The following EWSR1 variants were observed in gnomAD, a reference collection of about 807,000 sequenced individuals.
EWSR1 encodes the protein EWS RNA binding protein 1, also known as RNA-binding protein EWS.
Under a neutral mutation model 92.1 loss-of-function variants are expected in EWSR1, and 14 were observed. The observed-to-expected ratio is 0.15, with a 90% confidence interval of 0.10 to 0.24. EWSR1 has a LOEUF of 0.24. Among genes scored for constraint, EWSR1 ranks in the 10% least tolerant of loss-of-function variants. The probability of loss-of-function intolerance (pLI) is 1.00; values close to 1 mark genes in which losing one functional copy is unlikely to be tolerated. For synonymous variants in EWSR1, 303 were observed against 292.9 expected (o/e 1.03, Z -0.35); for missense variants, 637 against 870.9 (o/e 0.73, Z 3.38).
At position 29,299,274 on chromosome 22, in the gene EWSR1, A is replaced by C; in HGVS notation, c.1621A>C (p.Asn541His). Reference protein sequence around the residue: ...NQNFAWRTECNQCKAPKPEGF... With the variant: ...NQNFAWRTECHQCKAPKPEGF... ...GAACTTCGCCTGGAGAACAGAGTGC[A>C]ACCAGTGTAAGGCCCCAAAGCCTGA... The change falls in exon 15 of 17, where the codon AAC becomes CAC. Residue 541 changes from asparagine to histidine, a missense_variant. By Grantham distance (68) the Asn-to-His change is moderately conservative. Transcript: ENST00000397938. 6.2e-7 allele frequency: 1 copy of C among 1,614,060 alleles called. No individual in the cohort carries two copies. The highest frequency in any genetic ancestry group is 8.5e-7 in the Non-Finnish European group (1 of 1,179,946).
chr22:29,283,056 C>G (rs1184253664), intron 6 of EWSR1, among the ~76,000 whole-genome samples: 1 of 152,200 alleles, frequency 6.6e-6, no homozygotes, highest in East Asian at 1.9e-4. Context: ...GCCACCGCAC[C>G]CGGCCCAGCT....
chr22:29,274,478 G>GT (rs199750846), intron 4 of EWSR1: 28,640 of 540,888 alleles, frequency 0.053, 1,000 homozygotes, highest in Non-Finnish European at 0.073. Flanking sequence ...TTTGGGAAAG[G>GT]TTTTTTTATT....
intron 1 of EWSR1, chr22:29,269,251 C>G (rs1476163797): frequency 6.6e-6 from 1 of 152,234 alleles, no homozygotes; most frequent in African/African-American, 2.4e-5. Context: ...AGTGGCCTCG[C>G]ACGTTTATTC....
chr22:29,275,253 G>A (rs1433188088), intron 4 of EWSR1, among the ~76,000 whole-genome samples: 1 of 152,188 alleles, frequency 6.6e-6, no homozygotes. Context: ...CAAGCATGAT[G>A]TGAAAGTTAA....
At chr22:29,297,721 A>G (rs1162834551) in intron 12 of EWSR1, 106 bp from the exon 13 acceptor site, 35 of 1,441,542 alleles carry the variant, frequency 2.4e-5, no homozygotes, top group Non-Finnish European at 3.2e-5. Flanking sequence ...CTTAGAGAAG[A>G]TTACAGGCAG....
chr22:29,272,709 A>C (rs2058776339), intron 3 of EWSR1, among the ~76,000 whole-genome samples: 1 of 152,146 alleles, frequency 6.6e-6, no homozygotes, highest in Admixed American at 6.6e-5. Flanking sequence ...ATTATGTTTA[A>C]ATTTAGTGAA....
Position 29,292,134 on chromosome 22 carries a change from C to A in EWSR1, c.1013-3C>A. The stretch of plus-strand genomic sequence containing the variant: ...ATTTTATATGATCTTTCCTGGTTGG[C>A]AGGACCCATGGATGAAGGACCAGAT... On this transcript the variant is annotated splice_polypyrimidine_tract_variant and splice_region_variant and intron_variant, in intron 9 of 16. Coordinates refer to ENST00000397938, the MANE Select transcript of EWSR1 (RefSeq NM_005243.4). 1 of 1,613,540 alleles carries A rather than the reference C, an allele frequency of 6.2e-7. No individual in the cohort carries two copies. Among genetic ancestry groups the A allele is most frequent in the Non-Finnish European group, 8.5e-7 (1 of 1,179,492 alleles).
At chr22:29,272,180 A>C (rs764603459) in intron 1 of EWSR1, 36 bp from the exon 2 acceptor site, 1 of 1,600,988 alleles carries the variant, frequency 6.2e-7, no homozygotes, top group African/African-American at 1.3e-5. Context: ...TGTTTCTGCT[A>C]ACTTTACACT....
intron 8 of EWSR1, chr22:29,289,995 C>A (rs929696232): frequency 8.6e-6 from 2 of 233,250 alleles, no homozygotes; most frequent in Non-Finnish European, 1.7e-5. Flanking sequence ...AAAGTACTAT[C>A]ATCACGTCTC....
intron 11 of EWSR1, 128 bp from the exon 12 acceptor site, chr22:29,296,111 G>A (rs375430461): frequency 4.7e-5 from 44 of 930,430 alleles, no homozygotes; most frequent in Admixed American, 5.8e-5. Context: ...ACTTAAAAGC[G>A]GAGAAACGGT....
At chr22:29,288,200 G>A (rs941386751) in intron 7 of EWSR1, among the ~76,000 whole-genome samples, 8 of 152,138 alleles carry the variant, frequency 5.3e-5, no homozygotes, top group African/African-American at 1.9e-4. Context: ...CAACTCAAAG[G>A]AGTAGTGTTG....
intron 11 of EWSR1, 125 bp downstream of exon 11, chr22:29,292,731 T>C: frequency 1.7e-6 from 1 of 597,030 alleles, no homozygotes; most frequent in Non-Finnish European, 3.0e-6. Context: ...CTAGGTATCT[T>C]ATGGTTTGTT....
intron 4 of EWSR1, chr22:29,277,675 G>C: frequency 4.0e-6 from 1 of 250,000 alleles, no homozygotes; most frequent in Non-Finnish European, 7.7e-6. Flanking sequence ...TTACAAACTT[G>C]TTAAGACGAC....
intron 4 of EWSR1, 134 bp from the exon 5 acceptor site, chr22:29,277,896 G>A (rs961645556): frequency 5.0e-5 from 36 of 721,428 alleles, no homozygotes; most frequent in Middle Eastern, 2.5e-4. Context: ...CTACTCTTGC[G>A]GAAGGGGGAA....
chr22:29,277,089 T>C (rs1465792332), intron 4 of EWSR1: 1 of 229,270 alleles, frequency 4.4e-6, no homozygotes, highest in African/African-American at 2.2e-5. Context: ...GGGAAAGGCA[T>C]GGATCCTGCC....
At position 29,278,226 on chromosome 22, in the gene EWSR1, T is replaced by C. The variant is rs2059268406; in HGVS notation, c.413+10T>C. 2 of 1,612,476 alleles carry C rather than the reference T, an allele frequency of 1.2e-6. No individual in the cohort carries two copies. The highest frequency in any genetic ancestry group is 2.2e-5 in the East Asian group (1 of 44,856). On this transcript the variant is annotated intron_variant, in intron 5 of 16. Transcript: ENST00000397938. ...CCACTGCACCTACAAGGTAAGGCCA[T>C]GGTGTCCTTAATGCGTCAGTCTTAT...
At chr22:29,289,928 C>T (rs1044044882) in intron 8 of EWSR1, 5 of 211,238 alleles carry the variant, frequency 2.4e-5, no homozygotes, top group African/African-American at 1.4e-4. Flanking sequence ...TTGGAAAATA[C>T]TCTATTATAA....
At chr22:29,281,370 A>G (rs201739726) in intron 5 of EWSR1, among the ~76,000 whole-genome samples, 1 of 88 alleles carries the variant, frequency 0.011, no homozygotes, top group African/African-American at 0.05. Flanking sequence ...TACGCGATCT[A>G]ACAGCTCACT....
chr22:29,276,358 G>A (rs903441877), intron 4 of EWSR1: 21 of 227,388 alleles, frequency 9.2e-5, no homozygotes, highest in African/African-American at 4.2e-4. Flanking sequence ...CTGGAACTAT[G>A]TATACTTTCA....
Sources: allele counts gnomAD v4.1 joint callset (sites outside exome capture counted in the v4.1 genomes callset), GRCh38; gene constraint gnomAD v4.1.1; transcripts MANE v1.5; gene names NCBI Gene and HGNC (gene_info 2026-07-23, HGNC 2026-07-21).